ZNF131: variants seen among roughly 807,000 people sequenced by gnomAD.
The protein encoded by ZNF131 is zinc finger protein 131.
Under a neutral mutation model 60.0 loss-of-function variants are expected in ZNF131, and 7 were observed. The observed-to-expected ratio is 0.12, with a 90% CI of 0.07 to 0.22. ZNF131 has a LOEUF of 0.22. Ranked by LOEUF, ZNF131 falls within the 10% of genes least tolerant of loss-of-function variation. The probability of loss-of-function intolerance (pLI) is 1.00; values close to 1 mark genes in which losing one functional copy is unlikely to be tolerated. For missense variants in ZNF131, 493 were observed against 740.9 expected (o/e 0.67, Z 3.88); for synonymous variants, 257 against 253.2 (o/e 1.01, Z -0.14).
chr5:43,169,665 G>A (rs1750746027), intron 5 of ZNF131, among the ~76,000 whole-genome samples: 1 of 152,148 alleles, frequency 6.6e-6, no homozygotes, highest in Admixed American at 6.5e-5. Context: ...TGAACATTTA[G>A]GTTGTTGCTA....
chr5:43,139,497 C>T (rs1202144208), intron 4 of ZNF131, among the ~76,000 whole-genome samples, 188 bp downstream of exon 4: 1 of 152,148 alleles, frequency 6.6e-6, no homozygotes, highest in Non-Finnish European at 1.5e-5. Context: ...ATTTTCTGAT[C>T]ATGTGTTAAA....
chr5:43,142,866 ATTTC>A (rs1322222811), intron 4 of ZNF131, among the ~76,000 whole-genome samples: 1 of 151,706 alleles, frequency 6.6e-6, no homozygotes, highest in African/African-American at 2.4e-5. Flanking sequence ...TAATTTTTGT[ATTTC>A]TTTGTAGAGA....
chr5:43,122,937 CAG>C (rs776541636), intron 2 of ZNF131, among the ~76,000 whole-genome samples: 37 of 152,268 alleles, frequency 2.4e-4, no homozygotes, highest in Non-Finnish European at 3.1e-4. Context: ...TTGGAAACAA[CAG>C]AGTGTCAAGA....
chr5:43,151,782 A>C (rs989339100), intron 4 of ZNF131, among the ~76,000 whole-genome samples: 6 of 152,044 alleles, frequency 3.9e-5, no homozygotes, highest in Non-Finnish European at 8.8e-5. Flanking sequence ...TGGCTTCCAC[A>C]CAAGAAGCAC....
rs1266804297 is a variant in ZNF131, at chr5:43,123,273, T to C, written c.189T>C (p.Phe63=). 2 of 1,612,358 alleles carry C rather than the reference T, an allele frequency of 1.2e-6. No homozygotes were observed. The highest frequency in any genetic ancestry group is 1.7e-6 in the Non-Finnish European group (2 of 1,179,634). The change falls in exon 3 of 7, where the codon TTT becomes TTC. Residue 63 remains phenylalanine (F), a synonymous_variant. Coordinates refer to ENST00000682664, the MANE Select transcript of ZNF131 (RefSeq NM_001330707.2). ...GTAGTAAGTTCTTCTACAAATTCTT[T>C]CAGGAGTTTACCCAAGAACCATTGG... is the stretch of plus-strand genomic sequence containing the variant. The part of the protein sequence containing the change: ...AACSKFFYKF[F]QEFTQEPLVE...
At chr5:43,134,547 A>G (rs943731601) in intron 3 of ZNF131, among the ~76,000 whole-genome samples, 3 of 152,154 alleles carry the variant, frequency 2.0e-5, no homozygotes, top group Non-Finnish European at 4.4e-5. Context: ...CCAAGTAAGA[A>G]AGGAAGGAAT....
intron 4 of ZNF131, among the ~76,000 whole-genome samples, chr5:43,158,260 A>C (rs112138035): frequency 2.7e-5 from 4 of 147,240 alleles, no homozygotes; most frequent in African/African-American, 1.0e-4. Flanking sequence ...GAGCCACTGC[A>C]CCCGATGTTG....
At chr5:43,135,186 C>T (rs994823393) in intron 3 of ZNF131, among the ~76,000 whole-genome samples, 12 of 150,426 alleles carry the variant, frequency 8.0e-5, no homozygotes, top group African/African-American at 1.2e-4. Context: ...TTAGTAGAGA[C>T]GGGGTTTCTC....
At chr5:43,123,094 T>A (rs1161491436) in intron 2 of ZNF131, 115 bp from the exon 3 acceptor site, 2 of 690,760 alleles carry the variant, frequency 2.9e-6, no homozygotes, top group African/African-American at 3.7e-5. Flanking sequence ...TTTCTGTAGT[T>A]ACGTAATGAA....
chr5:43,174,929 A>G lies in ZNF131; in HGVS notation c.1668A>G (p.Gln556=). The G allele has an allele frequency of 6.2e-7, 1 of 1,614,164 alleles. No homozygotes were observed. Among genetic ancestry groups the G allele is most frequent in the Non-Finnish European group, 8.5e-7 (1 of 1,180,034 alleles). The change falls in exon 7 of 7, where the codon CAA becomes CAG. Residue 556 remains glutamine (Q), a synonymous_variant. Transcript: ENST00000682664. ...TCAATCAAATGCCAGTGGAAGTACA[A>G]ACTGAACTTCTAGAAGCAGATTTGG... ...ERVNQMPVEV[Q]TELLEADLDH... is the part of the protein sequence containing the mutation.
chr5:43,169,500 T>G (rs1750726626), intron 5 of ZNF131, among the ~76,000 whole-genome samples: 1 of 152,246 alleles, frequency 6.6e-6, no homozygotes, highest in Non-Finnish European at 1.5e-5. Flanking sequence ...ACGCATGCTT[T>G]TGGGAAAACA....
At chr5:43,145,190 C>G (rs967075253) in intron 4 of ZNF131, among the ~76,000 whole-genome samples, 1 of 152,092 alleles carries the variant, frequency 6.6e-6, no homozygotes, top group African/African-American at 2.4e-5. Context: ...CCTCTAAAAT[C>G]TCTTTCCTTG....
At chr5:43,146,669 G>C (rs1240730716) in intron 4 of ZNF131, among the ~76,000 whole-genome samples, 1 of 152,108 alleles carries the variant, frequency 6.6e-6, no homozygotes, top group Non-Finnish European at 1.5e-5. Flanking sequence ...CACTTTGGAA[G>C]GCCGAGGCAG....
At chr5:43,169,323 T>C (rs1418040501) in intron 5 of ZNF131, among the ~76,000 whole-genome samples, 1 of 151,948 alleles carries the variant, frequency 6.6e-6, no homozygotes, top group Non-Finnish European at 1.5e-5. Flanking sequence ...ATTTCTACAT[T>C]TTACTGAGTT....
At chr5:43,131,381 C>A (rs1442972966) in intron 3 of ZNF131, among the ~76,000 whole-genome samples, 1 of 151,986 alleles carries the variant, frequency 6.6e-6, no homozygotes, top group African/African-American at 2.4e-5. Flanking sequence ...CCATTTTAGC[C>A]AGGCTGGTCT....
chr5:43,166,989 G>T (rs1313652958), intron 5 of ZNF131, among the ~76,000 whole-genome samples: 33 of 152,296 alleles, frequency 2.2e-4, no homozygotes, highest in Non-Finnish European at 1.9e-4. Flanking sequence ...AACACTTAGA[G>T]GCTGTTGTAA....
At chr5:43,171,718 G>C (rs1751016159) in intron 5 of ZNF131, among the ~76,000 whole-genome samples, 1 of 152,098 alleles carries the variant, frequency 6.6e-6, no homozygotes, top group South Asian at 2.1e-4. Flanking sequence ...TGCCTCACCG[G>C]TTCAAGCAGT....
At chr5:43,131,234 G>T (rs535138342) in intron 3 of ZNF131, among the ~76,000 whole-genome samples, 1 of 151,408 alleles carries the variant, frequency 6.6e-6, no homozygotes, top group Non-Finnish European at 1.5e-5. Flanking sequence ...GTGCAAAGGT[G>T]CAATCTCGGC....
At chr5:43,152,377 C>G (rs375910492) in intron 4 of ZNF131, among the ~76,000 whole-genome samples, 36 of 152,170 alleles carry the variant, frequency 2.4e-4, no homozygotes, top group Admixed American at 5.9e-4. Flanking sequence ...ATGGACTGAT[C>G]TCAGCTATGA....
Sources: allele counts gnomAD v4.1 joint callset (sites outside exome capture counted in the v4.1 genomes callset), GRCh38; gene constraint gnomAD v4.1.1; transcripts MANE v1.5; gene names NCBI Gene and HGNC (gene_info 2026-07-23, HGNC 2026-07-21).